Variants in TLL1 observed in about 807,000 individuals in gnomAD.
The protein encoded by TLL1 is tolloid-like protein 1.
In TLL1, 49 loss-of-function variants were observed where a neutral mutation model predicts 128.2. That is an observed-to-expected ratio of 0.38 (90% CI 0.30 to 0.48). The LOEUF (loss-of-function observed/expected upper bound fraction) is 0.48. Among genes scored for constraint, TLL1 ranks in the 20% least tolerant of loss-of-function variants. The pLI is 0.96. For missense variants in TLL1, 1,123 were observed against 1,242.0 expected (o/e 0.90, Z 1.44); for synonymous variants, 454 against 418.8 (o/e 1.08, Z -1.03).
chr4:166,065,747 A>C lies in TLL1; in HGVS notation c.2072A>C (p.Lys691Thr), dbSNP rs374208896. 4.3e-6 allele frequency: 7 copies of C among 1,613,032 alleles called. No individual in the cohort carries two copies. The African/African-American group carries it at 9.4e-5, about 22-fold the overall frequency. The change falls in exon 16 of 21, where the codon AAA (lysine) becomes ACA (threonine). Residue 691 changes from lysine to threonine, a missense_variant. By Grantham distance (78) the Lys-to-Thr change is moderately conservative (BLOSUM62 -1). Transcript: ENST00000061240. ...TCCTCTGAGTCTAAACTGCATGGCA[A>C]ATTCTGTGGCGCTGAAGTGCCTGAA... ...GLSSESKLHGKFCGAEVPEVI... is the reference protein window; with the variant it reads ...GLSSESKLHGTFCGAEVPEVI...
intron 9 of TLL1, among the ~76,000 whole-genome samples, chr4:166,032,533 T>G (rs557118354): frequency 6.6e-6 from 1 of 152,256 alleles, no homozygotes; most frequent in East Asian, 1.9e-4. Flanking sequence ...CCTGAGGGCA[T>G]AGAAGACTTC....
chr4:165,874,103 C>A (rs750256997), intron 1 of TLL1, 30 bp downstream of exon 1: 20 of 1,613,444 alleles, frequency 1.2e-5, no homozygotes, highest in Admixed American at 1.7e-5. Context: ...GGGACGGTGG[C>A]GCGCCGGGGG....
At chr4:166,061,833 G>C (rs534673753) in intron 15 of TLL1, among the ~76,000 whole-genome samples, 1 of 152,168 alleles carries the variant, frequency 6.6e-6, no homozygotes, top group South Asian at 2.1e-4. Context: ...TTTTCTTCTA[G>C]GGTTTTTGTG....
rs75277046 is a variant in TLL1 at position 165,954,476 on chromosome 4, G to A, written c.170-34905G>A. Among the ~76,000 whole-genome samples, 21 of 152,096 alleles carry A rather than the reference G, an allele frequency of 1.4e-4. No individual in the cohort carries two copies. In the East Asian group the frequency reaches 2.1e-3, roughly 15 times the overall value. Reference sequence around the variant, plus strand: ...AGCACAGCATTAGGAGTGTGAGAGCGAAAGAAAGAAAAGAACTGGATTCTG... The same window carrying A: ...AGCACAGCATTAGGAGTGTGAGAGCAAAAGAAAGAAAAGAACTGGATTCTG... On this transcript the variant is annotated intron_variant, in intron 1 of 20. Transcript: ENST00000061240.
At chr4:165,931,163 A>T (rs143919901) in intron 1 of TLL1, among the ~76,000 whole-genome samples, 153 of 152,344 alleles carry the variant, frequency 1.0e-3, no homozygotes, top group Admixed American at 3.5e-3. Flanking sequence ...AGGTTTATGG[A>T]CACAACAATA....
At chr4:165,920,937 T>C (rs1258346813) in intron 1 of TLL1, among the ~76,000 whole-genome samples, 1 of 152,244 alleles carries the variant, frequency 6.6e-6, no homozygotes, top group East Asian at 1.9e-4. Context: ...GAGCAATGAA[T>C]ATTATACAAA....
intron 1 of TLL1, among the ~76,000 whole-genome samples, chr4:165,882,922 C>G (rs1458644524): frequency 6.6e-6 from 1 of 151,698 alleles, no homozygotes; most frequent in Non-Finnish European, 1.5e-5. Flanking sequence ...AACTCCTGAC[C>G]AAGAGTTAAC....
At chr4:166,066,903 A>G (rs1302562924) in intron 16 of TLL1, among the ~76,000 whole-genome samples, 1 of 151,846 alleles carries the variant, frequency 6.6e-6, no homozygotes, top group East Asian at 1.9e-4. Flanking sequence ...TTTAATGAAA[A>G]TAAGACTTTT....
At chr4:165,973,110 T>C (rs911156501) in intron 1 of TLL1, among the ~76,000 whole-genome samples, 2 of 152,060 alleles carry the variant, frequency 1.3e-5, no homozygotes, top group South Asian at 2.1e-4. Context: ...AGGATATATG[T>C]ATATATGAAA....
At chr4:165,917,586 T>G (rs1188451629) in intron 1 of TLL1, among the ~76,000 whole-genome samples, 2 of 152,154 alleles carry the variant, frequency 1.3e-5, no homozygotes, top group African/African-American at 4.8e-5. Context: ...TATATTATCT[T>G]ATTTTTATTT....
At chr4:165,932,408 GA>G (rs1266132035) in intron 1 of TLL1, among the ~76,000 whole-genome samples, 1 of 152,132 alleles carries the variant, frequency 6.6e-6, no homozygotes, top group Non-Finnish European at 1.5e-5. Flanking sequence ...CCTCATTCCT[GA>G]TTAATACCAT....
chr4:166,030,694 A>G lies in TLL1; in HGVS notation c.1158+5263A>G. ...GTGTTAATAGAAACCATTCTTGTAC[A>G]TGTGGATATCCAGTTTCTTCAACAC... is the stretch of plus-strand genomic sequence containing the variant. On this transcript the variant is annotated intron_variant, in intron 9 of 20. Transcript: ENST00000061240. 1.1e-5 allele frequency: 12 copies of G among 1,103,346 alleles called. No individual in the cohort carries two copies. The South Asian group carries it at 5.6e-4, about 52-fold the overall frequency. The allele number at this position is 1,103,346 out of a possible 1,614,324, so 68.3% of individuals were successfully genotyped here. A position where few individuals can be genotyped will look rare whatever the true frequency, so the allele number is the denominator to read the frequency against.
At chr4:166,045,706 T>C (rs1034247891) in intron 12 of TLL1, among the ~76,000 whole-genome samples, 4 of 152,114 alleles carry the variant, frequency 2.6e-5, no homozygotes, top group African/African-American at 9.7e-5. Flanking sequence ...GGTCTTTGGC[T>C]CCTCCTCACT....
At chr4:166,009,410 T>G (rs1737579456) in intron 7 of TLL1, among the ~76,000 whole-genome samples, 1 of 151,494 alleles carries the variant, frequency 6.6e-6, no homozygotes, top group African/African-American at 2.4e-5. Context: ...TCACAGATGA[T>G]AAATCTTTAG....
Position 166,095,958 on chromosome 4 carries a change from G to A in TLL1, c.2657-3319G>A, listed in dbSNP as rs909072168. Among the ~76,000 whole-genome samples the A allele has an allele frequency of 2.0e-5, 3 of 152,016 alleles. No homozygotes were observed. In the South Asian group the frequency reaches 6.2e-4, roughly 32 times the overall value. On this transcript the variant is annotated intron_variant, in intron 19 of 20. Coordinates refer to ENST00000061240, the MANE Select transcript of TLL1 (RefSeq NM_012464.5). ...AAAATGTGTTCACCGTATTTAAAAA[G>A]CATCTTTTAAAATGACCTATTACAA...
chr4:166,048,108 C>T (rs1348578149), intron 12 of TLL1, among the ~76,000 whole-genome samples: 3 of 151,850 alleles, frequency 2.0e-5, no homozygotes, highest in Admixed American at 1.3e-4. Context: ...TGGTGGTGGG[C>T]GCCCGTAATC....
At position 166,099,268 on chromosome 4, in the gene TLL1, C is replaced by T; in HGVS notation, c.2657-9C>T. The T allele has an allele frequency of 1.2e-6, 2 of 1,613,392 alleles. No homozygotes were observed. Among genetic ancestry groups the T allele is most frequent in the South Asian group, 1.1e-5 (1 of 91,076 alleles). ...GACCTTACTCATCTTATTTTTCTTTCCTGGGCAGAGTGTGGCGGACGATTG... is the reference window on the plus strand; with the variant it reads ...GACCTTACTCATCTTATTTTTCTTTTCTGGGCAGAGTGTGGCGGACGATTG... On this transcript the variant is annotated splice_polypyrimidine_tract_variant and intron_variant, in intron 19 of 20. Transcript: ENST00000061240.
chr4:166,079,042 A>G (rs1325350060), intron 18 of TLL1, among the ~76,000 whole-genome samples: 1 of 152,184 alleles, frequency 6.6e-6, no homozygotes, highest in East Asian at 1.9e-4. Flanking sequence ...TCCAATCTCT[A>G]TACTTGTAAG....
In TLL1 at chr4:165,873,522, C is replaced by T. The variant is rs888376243; in HGVS notation, c.-383C>T. 3 of 157,614 alleles carry T rather than the reference C, an allele frequency of 1.9e-5. No homozygotes were observed. The highest frequency in any genetic ancestry group is 4.2e-5 in the Non-Finnish European group (3 of 72,048). 9.8% of individuals were successfully genotyped at this position (157,614 alleles called of 1,614,324 possible). ...TCCGAGCTCTGGTGGCAGCTGAGCC[C>T]GCGGGGCGCCGCTCGCCGAGCCGCG... On this transcript the variant is annotated 5_prime_UTR_variant, in exon 1 of 21. Coordinates refer to ENST00000061240, the MANE Select transcript of TLL1 (RefSeq NM_012464.5).
Sources: allele counts gnomAD v4.1 joint callset (sites outside exome capture counted in the v4.1 genomes callset), GRCh38; gene constraint gnomAD v4.1.1; transcripts MANE v1.5; gene names NCBI Gene and HGNC (gene_info 2026-07-23, HGNC 2026-07-21).